EYS: variants seen among roughly 807,000 people sequenced by gnomAD.
The protein encoded by EYS is protein eyes shut homolog.
EYS carries 250 observed loss-of-function variants against 282.1 expected under a neutral mutation model. The ratio of observed to expected loss-of-function variants is 0.89; its 90% CI spans 0.80 to 0.98. EYS has a LOEUF of 0.98. Ranked by LOEUF, EYS falls within the 50% of genes least tolerant of loss-of-function variation. The pLI is 0.00. For synonymous variants in EYS, 1,355 were observed against 1,282.9 expected, an observed-to-expected ratio of 1.06 and a Z score of -1.20; for missense variants, 4,016 against 3,709.0, an observed-to-expected ratio of 1.08 and a Z score of -2.15.
At position 65,707,184 on chromosome 6, in the gene EYS, G is replaced by C. The variant is rs184368442; in HGVS notation, c.-497C>G. On this transcript the variant is annotated 5_prime_UTR_variant, in exon 1 of 43. Coordinates refer to ENST00000503581, the MANE Select transcript of EYS (RefSeq NM_001142800.2). ...GCAACCCTAGGAGGCTTCTGATTAC[G>C]GTTAATGTCTGGACATGCCTAGCGT... 3 of 152,050 alleles carry C rather than the reference G, an allele frequency of 2.0e-5. No individual in the cohort carries two copies. The highest frequency in any genetic ancestry group is 7.2e-5 in the African/African-American group (3 of 41,410). The allele number at this position is 152,050 out of a possible 1,614,324, so 9.4% of individuals were successfully genotyped here.
chr6:65,499,972 C>T (rs1455960308), intron 2 of EYS, among the ~76,000 whole-genome samples: 2 of 151,612 alleles, frequency 1.3e-5, no homozygotes, highest in East Asian at 3.9e-4. Context: ...AATGAGAAAA[C>T]TTAAGTCACC....
intron 26 of EYS, among the ~76,000 whole-genome samples, chr6:64,451,346 G>C (rs1206163278): frequency 2.0e-5 from 3 of 152,086 alleles, no homozygotes; most frequent in Admixed American, 6.6e-5. Context: ...ATAACAGGCT[G>C]TGAAATTCAG....
chr6:64,069,586 G>A (rs914625618), intron 32 of EYS, among the ~76,000 whole-genome samples: 2 of 152,060 alleles, frequency 1.3e-5, no homozygotes, highest in Middle Eastern at 3.4e-3. Context: ...TTCAGAAATG[G>A]CCAGCATTAA....
intron 5 of EYS, among the ~76,000 whole-genome samples, chr6:65,423,596 G>A (rs1767549036): frequency 6.6e-6 from 1 of 151,862 alleles, no homozygotes. Context: ...TGCTGATACA[G>A]AACCACACAT....
chr6:64,306,000 G>A (rs954021332), intron 30 of EYS, among the ~76,000 whole-genome samples: 4 of 152,054 alleles, frequency 2.6e-5, no homozygotes, highest in Non-Finnish European at 5.9e-5. Context: ...TTAATATTCA[G>A]AATATATAGA....
intron 22 of EYS, among the ~76,000 whole-genome samples, chr6:64,635,028 A>T (rs1767925749): frequency 1.3e-5 from 2 of 152,002 alleles, no homozygotes; most frequent in South Asian, 4.2e-4. Flanking sequence ...CTCCTTGAAG[A>T]GGTCCTTCAC....
At chr6:65,673,530 G>A (rs1356116016) in intron 1 of EYS, among the ~76,000 whole-genome samples, 1 of 152,044 alleles carries the variant, frequency 6.6e-6, no homozygotes, top group Non-Finnish European at 1.5e-5. Flanking sequence ...TGGCCAAGGG[G>A]GTTCAGCGTA....
At chr6:64,008,837 T>C (rs1768471266) in intron 33 of EYS, among the ~76,000 whole-genome samples, 1 of 152,240 alleles carries the variant, frequency 6.6e-6, no homozygotes, top group Admixed American at 6.5e-5. Context: ...AGGTCTGCTG[T>C]TAGCCTGATG....
At chr6:65,519,875 C>T (rs573612444) in intron 2 of EYS, among the ~76,000 whole-genome samples, 24 of 139,224 alleles carry the variant, frequency 1.7e-4, no homozygotes, top group African/African-American at 7.1e-4. Flanking sequence ...TGCCATCACA[C>T]TTGGCTAATT....
intron 29 of EYS, among the ~76,000 whole-genome samples, chr6:64,323,373 G>A (rs528922433): frequency 5.3e-5 from 8 of 152,068 alleles, no homozygotes; most frequent in Admixed American, 2.0e-4. Flanking sequence ...TTTAATTGCC[G>A]AATAACATTC....
chr6:65,210,475 A>G (rs1766146549), intron 12 of EYS, among the ~76,000 whole-genome samples: 1 of 152,030 alleles, frequency 6.6e-6, no homozygotes, highest in Admixed American at 6.6e-5. Context: ...ACGTTTAATA[A>G]TTTCATTTAA....
At chr6:64,328,399 G>C (rs920062835) in intron 29 of EYS, among the ~76,000 whole-genome samples, 5 of 152,108 alleles carry the variant, frequency 3.3e-5, no homozygotes, top group Non-Finnish European at 7.4e-5. Context: ...CAGTGGTATC[G>C]AGAGGCACTC....
intron 36 of EYS, among the ~76,000 whole-genome samples, chr6:63,850,118 G>C (rs1772207463): frequency 6.6e-6 from 1 of 152,068 alleles, no homozygotes; most frequent in African/African-American, 2.4e-5. Context: ...ATGAAAACAA[G>C]ATTAGAGAAA....
At chr6:64,325,389 C>T (rs1396769989) in intron 29 of EYS, among the ~76,000 whole-genome samples, 1 of 152,112 alleles carries the variant, frequency 6.6e-6, no homozygotes, top group African/African-American at 2.4e-5. Flanking sequence ...AAGGGAACAC[C>T]CTGTGGGACA....
intron 14 of EYS, 37 bp from the exon 15 acceptor site, chr6:64,945,951 T>G: frequency 6.7e-7 from 1 of 1,493,680 alleles, no homozygotes; most frequent in Non-Finnish European, 9.1e-7. Flanking sequence ...TTAGGCTATT[T>G]CTTACTATTA....
chr6:64,008,202 G>T (rs914076711), intron 33 of EYS, among the ~76,000 whole-genome samples: 1 of 151,872 alleles, frequency 6.6e-6, no homozygotes, highest in Admixed American at 6.6e-5. Context: ...TCTTTTTTTC[G>T]AATTGAACCC....
intron 8 of EYS, among the ~76,000 whole-genome samples, chr6:65,361,367 A>T (rs956299958): frequency 2.6e-5 from 4 of 152,196 alleles, no homozygotes; most frequent in African/African-American, 9.6e-5. Flanking sequence ...GTATAATAAA[A>T]AAAAAGAAAT....
chr6:65,397,098 C>T (rs368200763), intron 7 of EYS, among the ~76,000 whole-genome samples: 4 of 151,782 alleles, frequency 2.6e-5, no homozygotes, highest in Non-Finnish European at 4.4e-5. Context: ...AAGTCTCAGT[C>T]GAAAACCTTC....
intron 2 of EYS, among the ~76,000 whole-genome samples, chr6:65,594,736 C>T (rs1274852229): frequency 6.6e-6 from 1 of 152,062 alleles, no homozygotes; most frequent in East Asian, 1.9e-4. Context: ...GAAGTCCTTG[C>T]CCATGCCTAT....
Sources: allele counts gnomAD v4.1 joint callset (sites outside exome capture counted in the v4.1 genomes callset), GRCh38; gene constraint gnomAD v4.1.1; transcripts MANE v1.5; gene names NCBI Gene and HGNC (gene_info 2026-07-23, HGNC 2026-07-21).